The following RASA2 variants were observed in gnomAD, a reference collection of about 807,000 sequenced individuals.
RASA2 encodes ras GTPase-activating protein 2.
A neutral mutation model predicts 118.2 loss-of-function variants in RASA2; 155 were observed. The observed-to-expected ratio is 1.31, with a 90% confidence interval of 1.15 to 1.50. RASA2 has a LOEUF of 1.50. Among genes scored for constraint, RASA2 ranks in the 40% most tolerant of loss-of-function variants. RASA2 has a pLI of 0.00. For synonymous variants in RASA2, 353 were observed against 349.1 expected (o/e 1.01, Z -0.12); for missense variants, 1,016 against 1,009.6 (o/e 1.01, Z -0.09).
intron 1 of RASA2, among the ~76,000 whole-genome samples, chr3:141,502,564 G>GT (rs1392009059): frequency 2.6e-5 from 4 of 152,056 alleles, no homozygotes; most frequent in African/African-American, 9.7e-5. Flanking sequence ...ACTTGTTCAT[G>GT]TTATGCCTTC....
chr3:141,493,036 G>T (rs1312681037), intron 1 of RASA2, among the ~76,000 whole-genome samples: 1 of 152,104 alleles, frequency 6.6e-6, no homozygotes, highest in Non-Finnish European at 1.5e-5. Context: ...AGAAAATAAA[G>T]GTTCTTACCC....
chr3:141,580,057 GGAAAAAAAAAA>G (rs2083077600), intron 15 of RASA2, among the ~76,000 whole-genome samples: 1 of 30,682 alleles, frequency 3.3e-5, no homozygotes, highest in Admixed American at 5.8e-4. Context: ...CTCCATCTCA[GGAAAAAAAAAA>G]GAAAAAAAAA....
chr3:141,608,746 C>G (rs1388963453), intron 21 of RASA2, 49 bp downstream of exon 21: 6 of 1,531,440 alleles, frequency 3.9e-6, no homozygotes, highest in African/African-American at 1.4e-5. Flanking sequence ...TTTGATATAT[C>G]CATGCAATGT....
Position 141,608,716 on chromosome 3 carries a change from A to G in RASA2, c.2225+19A>G, listed in dbSNP as rs374010023. The G allele has an allele frequency of 5.6e-6, 9 of 1,599,562 alleles. No homozygotes were observed. Among genetic ancestry groups the G allele is most frequent in the African/African-American group, 1.3e-5 (1 of 74,504 alleles). On this transcript the variant is annotated intron_variant, in intron 21 of 23. Transcript: ENST00000286364. ...GTACTGCGTAAGTTTCTTTCTGATT[A>G]TAAAAGCAGTGTGTCAAAATTTGAT...
At chr3:141,588,655 T>G (rs1283166781) in intron 19 of RASA2, among the ~76,000 whole-genome samples, 3 of 152,146 alleles carry the variant, frequency 2.0e-5, no homozygotes, top group African/African-American at 7.2e-5. Flanking sequence ...AATTTTTATT[T>G]CATAATTCTT....
rs149180243 is a variant in RASA2 at position 141,503,180 on chromosome 3, T to C, written c.134-8983T>C. 1.4e-3 allele frequency among the ~76,000 whole-genome samples: 218 copies of C among 152,322 alleles called. 7 individuals are homozygous for C. In the East Asian group the frequency reaches 0.024, roughly 17 times the overall value. Reference sequence around the variant, plus strand: ...CTTCTTTTCTGTCTTATCCCTGTAGTGTCCTCCCCTAGGACATGAAGAAAC... The same window carrying C: ...CTTCTTTTCTGTCTTATCCCTGTAGCGTCCTCCCCTAGGACATGAAGAAAC... On this transcript the variant is annotated intron_variant, in intron 1 of 23. Transcript: ENST00000286364.
At chr3:141,599,149 A>G (rs929951837) in intron 19 of RASA2, among the ~76,000 whole-genome samples, 6 of 152,000 alleles carry the variant, frequency 3.9e-5, no homozygotes, top group Non-Finnish European at 8.8e-5. Flanking sequence ...CACTGAAACT[A>G]CAAAACACTC....
intron 1 of RASA2, among the ~76,000 whole-genome samples, chr3:141,488,232 A>G (rs1005513213): frequency 2.6e-5 from 4 of 152,102 alleles, no homozygotes; most frequent in Admixed American, 6.5e-5. Context: ...AGAGAGATCA[A>G]TAACATTTAT....
At chr3:141,497,099 G>A (rs922942091) in intron 1 of RASA2, among the ~76,000 whole-genome samples, 2 of 149,142 alleles carry the variant, frequency 1.3e-5, no homozygotes, top group African/African-American at 5.0e-5. Context: ...CTCACTCATA[G>A]GTGGGAATTG....
At chr3:141,533,196 A>G (rs774735390) in intron 4 of RASA2, among the ~76,000 whole-genome samples, 2 of 152,158 alleles carry the variant, frequency 1.3e-5, no homozygotes, top group Non-Finnish European at 2.9e-5. Flanking sequence ...CTAGAGAGAA[A>G]GTTTGGCTAA....
At chr3:141,594,501 G>A (rs1167022149) in intron 19 of RASA2, among the ~76,000 whole-genome samples, 1 of 151,990 alleles carries the variant, frequency 6.6e-6, no homozygotes, top group African/African-American at 2.4e-5. Flanking sequence ...AGTCAAACCA[G>A]AGATAAAGAG....
At chr3:141,494,955 G>T (rs948778033) in intron 1 of RASA2, among the ~76,000 whole-genome samples, 1 of 152,178 alleles carries the variant, frequency 6.6e-6, no homozygotes, top group Admixed American at 6.5e-5. Flanking sequence ...GCAGTCAGTT[G>T]TAAGTTTCAT....
intron 5 of RASA2, among the ~76,000 whole-genome samples, chr3:141,545,649 T>C (rs909665992): frequency 3.9e-5 from 6 of 151,922 alleles, no homozygotes; most frequent in African/African-American, 7.3e-5. Context: ...GGTTTCATCA[T>C]GTTGGTCAGG....
At chr3:141,608,443 T>G in intron 20 of RASA2, 46 bp from the exon 21 acceptor site, 2 of 1,571,972 alleles carry the variant, frequency 1.3e-6, no homozygotes, top group South Asian at 2.2e-5. Flanking sequence ...TGTGTGTTGG[T>G]TTTTGGACTC....
At chr3:141,585,251 A>G (rs1256285455) in intron 17 of RASA2, among the ~76,000 whole-genome samples, 2 of 152,206 alleles carry the variant, frequency 1.3e-5, no homozygotes, top group Non-Finnish European at 2.9e-5. Flanking sequence ...AGCCTAGGGT[A>G]GCACCCCACA....
chr3:141,602,425 T>C (rs969175209), intron 19 of RASA2, among the ~76,000 whole-genome samples: 3 of 152,218 alleles, frequency 2.0e-5, no homozygotes, highest in African/African-American at 7.2e-5. Flanking sequence ...GCCACCCTTA[T>C]CTGACAGGAG....
intron 4 of RASA2, among the ~76,000 whole-genome samples, chr3:141,535,190 G>A (rs1405036490): frequency 6.6e-6 from 1 of 152,026 alleles, no homozygotes; most frequent in African/African-American, 2.4e-5. Flanking sequence ...ATTAAAATAT[G>A]TATATTGTTA....
intron 7 of RASA2, 44 bp from the exon 8 acceptor site, chr3:141,558,842 G>A (rs754712165): frequency 7.2e-7 from 1 of 1,388,128 alleles, no homozygotes; most frequent in Non-Finnish European, 1.0e-6. Context: ...TAGGAAAAAT[G>A]TATTTTTTTA....
intron 5 of RASA2, among the ~76,000 whole-genome samples, chr3:141,543,554 TAG>T (rs2082436447): frequency 6.6e-6 from 1 of 152,218 alleles, no homozygotes; most frequent in South Asian, 2.1e-4. Flanking sequence ...ATTAAGTGTA[TAG>T]AGTTTCCTCT....
Sources: allele counts gnomAD v4.1 joint callset (sites outside exome capture counted in the v4.1 genomes callset), GRCh38; gene constraint gnomAD v4.1.1; transcripts MANE v1.5; gene names NCBI Gene and HGNC (gene_info 2026-07-23, HGNC 2026-07-21).